ZNF638: variants seen among roughly 807,000 people sequenced by gnomAD.
ZNF638 encodes the protein zinc finger protein 638.
In ZNF638, 46 loss-of-function variants were observed where a neutral mutation model predicts 195.6. The ratio of observed to expected loss-of-function variants is 0.24; its 90% CI spans 0.19 to 0.30. The LOEUF (loss-of-function observed/expected upper bound fraction) is 0.30. Among genes scored for constraint, ZNF638 ranks in the 10% least tolerant of loss-of-function variants. ZNF638 has a pLI of 1.00. For synonymous variants in ZNF638, 845 were observed against 772.0 expected (o/e 1.09, Z -1.57); for missense variants, 2,440 against 2,325.3 (o/e 1.05, Z -1.01).
intron 15 of ZNF638, 61 bp from the exon 16 acceptor site, chr2:71,401,895 A>G: frequency 1.4e-6 from 2 of 1,432,500 alleles, no homozygotes; most frequent in South Asian, 1.4e-5. Context: ...ACACAGTATA[A>G]ACTTAAGTAA....
In ZNF638 at chr2:71,404,552, A is replaced by G. The variant is rs141481704; in HGVS notation, c.2958+554A>G. ...GGCAACAAAGTGAGACCCCATGCCT[A>G]CAAAACTTAAAATAATTAGCTGGGC... is the stretch of plus-strand genomic sequence containing the variant. On this transcript the variant is annotated intron_variant, in intron 17 of 27. Coordinates refer to ENST00000264447, the MANE Select transcript of ZNF638 (RefSeq NM_014497.5). Among the ~76,000 whole-genome samples the G allele has an allele frequency of 1.5e-3, 230 of 152,270 alleles. 2 individuals carry two copies. The highest frequency in any genetic ancestry group is 5.0e-3 in the African/African-American group (209 of 41,550).
At chr2:71,430,333 G>A (rs896894930) in intron 25 of ZNF638, among the ~76,000 whole-genome samples, 2 of 152,112 alleles carry the variant, frequency 1.3e-5, no homozygotes, top group East Asian at 1.9e-4. Flanking sequence ...TTGGAGGCAA[G>A]GAAACCAGAT....
chr2:71,432,876 G>A (rs2080694892), intron 26 of ZNF638, among the ~76,000 whole-genome samples: 1 of 152,194 alleles, frequency 6.6e-6, no homozygotes, highest in Non-Finnish European at 1.5e-5. Context: ...TATAGGGGAG[G>A]TCAGGAGTTC....
chr2:71,377,030 T>G (rs1036711341), intron 8 of ZNF638, among the ~76,000 whole-genome samples: 3 of 152,102 alleles, frequency 2.0e-5, no homozygotes, highest in African/African-American at 7.2e-5. Flanking sequence ...CCCAGCACTT[T>G]GGGAGGCCGA....
At chr2:71,395,623 G>T in intron 10 of ZNF638, 1 of 550,398 alleles carries the variant, frequency 1.8e-6, no homozygotes, top group Non-Finnish European at 3.4e-6. Flanking sequence ...ATTACCTACA[G>T]ATTGTGTTGG....
At chr2:71,433,675 T>G (rs2080711313) in intron 27 of ZNF638, 1 of 157,046 alleles carries the variant, frequency 6.4e-6, no homozygotes, top group South Asian at 1.9e-4. Context: ...AAACCTTTTC[T>G]AAATTGTACA....
At chr2:71,362,427 C>T (rs977709179) in intron 3 of ZNF638, among the ~76,000 whole-genome samples, 5 of 152,068 alleles carry the variant, frequency 3.3e-5, no homozygotes, top group Non-Finnish European at 4.4e-5. Context: ...TACAAATGTT[C>T]GTTAAGTTCC....
In ZNF638 at chr2:71,363,185, C is replaced by T. The variant is rs922744388; in HGVS notation, c.1412C>T (p.Ser471Leu). ...YPDWNPEILPSRRNEGNRKEN... is the reference protein window; with the variant it reads ...YPDWNPEILPLRRNEGNRKEN... ...GATTGGAATCCTGAGATCCTCCCAT[C>T]GAGAAGGTAATTTTTAAAAATAGTA... Residue 471 changes from serine (S) to leucine (L), a missense_variant, in exon 4 of 28, where the codon TCG (serine) becomes TTG (leucine). By Grantham distance (145) the Ser-to-Leu change is moderately radical. Transcript: ENST00000264447. 6.9e-6 allele frequency: 11 copies of T among 1,587,604 alleles called. No homozygotes were observed. Among genetic ancestry groups the T allele is most frequent in the East Asian group, 6.7e-5 (3 of 44,558 alleles).
chr2:71,399,498 T>C, intron 12 of ZNF638, 61 bp from the exon 13 acceptor site: 1 of 1,206,028 alleles, frequency 8.3e-7, no homozygotes, highest in East Asian at 2.4e-5. Flanking sequence ...TACATTAGTG[T>C]GAAACATGCT....
chr2:71,380,170 C>A, intron 8 of ZNF638, 52 bp from the exon 9 acceptor site: 1 of 1,110,078 alleles, frequency 9.0e-7, no homozygotes, highest in Non-Finnish European at 1.3e-6. Context: ...TCTATATTTT[C>A]TAAATTGCTT....
In ZNF638 at chr2:71,433,206, A is replaced by G. The variant is rs143774024; in HGVS notation, c.5794A>G (p.Ile1932Val). The G allele has an allele frequency of 2.9e-5, 47 of 1,614,118 alleles. No individual in the cohort carries two copies. Among genetic ancestry groups the G allele is most frequent in the Middle Eastern group, 3.3e-4 (2 of 6,062 alleles). The change falls in exon 27 of 28, where the codon ATT becomes GTT. Residue 1932 changes from isoleucine (I) to valine (V), a missense_variant. Around this residue, in one of 5 missense-constraint regions of ZNF638, gnomAD observed 1,883 missense variants for 1,739.1 expected, o/e 1.08. Coordinates refer to ENST00000264447, the MANE Select transcript of ZNF638 (RefSeq NM_014497.5). ...ACCTAAGGCTGGATTCTTCTGTCCA[A>G]TTTGTTCCCTCTTCTACTCAGGTGA... is the stretch of plus-strand genomic sequence containing the variant. Reference protein sequence around the residue: ...LVPKAGFFCPICSLFYSGEKA... With the variant: ...LVPKAGFFCPVCSLFYSGEKA...
chr2:71,428,636 T>C lies in ZNF638; in HGVS notation c.5635T>C (p.Phe1879Leu), dbSNP rs766642092. The change falls in exon 25 of 28, where the codon TTC (phenylalanine) becomes CTC (leucine). Residue 1879 changes from phenylalanine to leucine, a missense_variant. By Grantham distance (22) the Phe-to-Leu change is conservative. Around this residue, in one of 5 missense-constraint regions of ZNF638, gnomAD observed 1,883 missense variants for 1,739.1 expected, o/e 1.08. Transcript: ENST00000264447. ...VTEPAKGEEA[F>L]QMSEVDEESG... ...AGAACCAGCAAAAGGTGAAGAGGCC[T>C]TCCAGATGAGTGAAGGTAAAGCAGG... is the stretch of plus-strand genomic sequence containing the variant. 6.8e-6 allele frequency: 11 copies of C among 1,613,742 alleles called. No individual in the cohort carries two copies. In the South Asian group the frequency reaches 1.2e-4, roughly 18 times the overall value.
chr2:71,368,424 A>C lies in ZNF638; in HGVS notation c.2038A>C (p.Ile680Leu), dbSNP rs777046248. The change falls in exon 7 of 28, where the codon ATA becomes CTA. Residue 680 changes from isoleucine (I) to leucine (L), a missense_variant. By Grantham distance (5) the Ile-to-Leu change is conservative. Around this residue, in one of 5 missense-constraint regions of ZNF638, gnomAD observed 1,883 missense variants for 1,739.1 expected, o/e 1.08. Transcript: ENST00000264447. ...QSLHYGSVLL[I>L]TELPEDGCTE... is the part of the protein sequence containing the mutation. ...ATTGCATTATGGTTCGGTTCTTCTT[A>C]TAACTGAATTACCAGAGGATGGTTG... 6.2e-7 allele frequency: 1 copy of C among 1,613,478 alleles called. No homozygotes were observed.
chr2:71,341,591 A>G (rs776471761), intron 1 of ZNF638: 20 of 152,336 alleles, frequency 1.3e-4, no homozygotes, highest in South Asian at 2.1e-4. Context: ...ACAAGCACAC[A>G]TTACTTACAT....
At chr2:71,408,526 A>G (rs2080149784) in intron 20 of ZNF638, 7 of 338,732 alleles carry the variant, frequency 2.1e-5, no homozygotes, top group Non-Finnish European at 3.8e-5. Context: ...TGTATGTAAC[A>G]TGATTGTCTC....
At position 71,349,208 on chromosome 2, in the gene ZNF638, A is replaced by T; in HGVS notation, c.254A>T (p.Glu85Val). ...AGAACTGATCCAAGATTGACCAAAGAAAAACTGGATTTTCATGAAGCACAA... is the reference window on the plus strand; with the variant it reads ...AGAACTGATCCAAGATTGACCAAAGTAAAACTGGATTTTCATGAAGCACAA... ...QHRTDPRLTK[E>V]KLDFHEAQQK... The change falls in exon 2 of 28, where the codon GAA becomes GTA. Residue 85 changes from glutamate to valine, a missense_variant. Physicochemically the swap from Glu to Val is moderately radical, Grantham distance 121. Around this residue, in one of 5 missense-constraint regions of ZNF638, gnomAD observed 191 missense variants for 173.8 expected, o/e 1.10. Transcript: ENST00000264447. The T allele has an allele frequency of 6.2e-7, 1 of 1,614,198 alleles. No individual in the cohort carries two copies. The highest frequency in any genetic ancestry group is 8.5e-7 in the Non-Finnish European group (1 of 1,180,026).
intron 10 of ZNF638, among the ~76,000 whole-genome samples, chr2:71,393,079 C>T (rs1184278006): frequency 3.3e-5 from 5 of 152,200 alleles, no homozygotes; most frequent in Non-Finnish European, 7.3e-5. Flanking sequence ...GAGCATCCAA[C>T]ATTCCACAGG....
chr2:71,392,579 C>T (rs2079804734), intron 10 of ZNF638, among the ~76,000 whole-genome samples: 1 of 152,150 alleles, frequency 6.6e-6, no homozygotes, highest in African/African-American at 2.4e-5. Flanking sequence ...AGTTTTATCA[C>T]ACATATTCGA....
chr2:71,397,134 A>T (rs1244323184), intron 11 of ZNF638, among the ~76,000 whole-genome samples: 1 of 152,164 alleles, frequency 6.6e-6, no homozygotes, highest in Non-Finnish European at 1.5e-5. Context: ...TTTTGCCAAC[A>T]CTTTGATGTT....
Sources: allele counts gnomAD v4.1 joint callset (sites outside exome capture counted in the v4.1 genomes callset), GRCh38; gene constraint gnomAD v4.1.1; regional missense constraint gnomAD v4.1.1; transcripts MANE v1.5; gene names NCBI Gene and HGNC (gene_info 2026-07-23, HGNC 2026-07-21).